EIF3I: variants seen among roughly 807,000 people sequenced by gnomAD.
EIF3I encodes the protein eukaryotic translation initiation factor 3 subunit I.
Under a neutral mutation model 43.3 loss-of-function variants are expected in EIF3I, and 20 were observed. The observed-to-expected ratio is 0.46, with a 90% CI of 0.32 to 0.67. EIF3I has a LOEUF of 0.67. EIF3I is among the 30% of genes least tolerant of loss of function. The pLI is 0.03. For missense variants in EIF3I, 279 were observed against 421.4 expected (o/e 0.66, Z 2.96); for synonymous variants, 167 against 151.7 (o/e 1.10, Z -0.74).
At chr1:32,224,457 C>T in exon 4 of EIF3I, 1 of 1,613,648 alleles carries the variant, frequency 6.2e-7, no homozygotes, top group Middle Eastern at 1.8e-4. Context: ...CAGCTGTCGT[C>T]TCTGGGACTG....
At chr1:32,224,533 T>G in intron 4 of EIF3I, 58 bp downstream of exon 4, 1 of 1,317,608 alleles carries the variant, frequency 7.6e-7, no homozygotes, top group Non-Finnish European at 1.1e-6. Context: ...TGTACCTGTT[T>G]GAGTAAACAG....
chr1:32,224,774 G>A (rs1040027029), intron 4 of EIF3I, among the ~76,000 whole-genome samples: 1 of 151,594 alleles, frequency 6.6e-6, no homozygotes, highest in Non-Finnish European at 1.5e-5. Flanking sequence ...GGGTTCAAGG[G>A]ATTCTCCTGT....
At chr1:32,222,627 C>T in exon 2 of EIF3I, 2 of 1,614,042 alleles carry the variant, frequency 1.2e-6, no homozygotes, top group South Asian at 2.2e-5. Context: ...TGGCCAAGGA[C>T]CCTGTGAGTG....
intron 4 of EIF3I, 142 bp downstream of exon 4, chr1:32,224,617 G>T (rs898328602): frequency 5.8e-6 from 3 of 519,396 alleles, no homozygotes; most frequent in Admixed American, 3.4e-5. Flanking sequence ...AGATAGATGA[G>T]AAAATACACG....
chr1:32,224,341 G>C, intron 3 of EIF3I, 69 bp from the exon 4 acceptor site: 1 of 1,364,798 alleles, frequency 7.3e-7, no homozygotes, highest in Non-Finnish European at 1.0e-6. Context: ...ACAGGGAGAT[G>C]ATTCACTTGG....
downstream of EIF3I, among the ~76,000 whole-genome samples, chr1:32,235,797 A>C (rs1333971141): frequency 6.6e-6 from 1 of 152,202 alleles, no homozygotes. Flanking sequence ...TGATGGGAGC[A>C]ACATAGCATT....
intron 2 of EIF3I, among the ~76,000 whole-genome samples, chr1:32,223,056 C>T (rs909281849): frequency 1.1e-4 from 16 of 152,178 alleles, no homozygotes; most frequent in African/African-American, 2.7e-4. Context: ...CCAAGAAAAG[C>T]AAGAGACCAC....
chr1:32,229,572 A>C (rs1438100001), intron 9 of EIF3I, among the ~76,000 whole-genome samples: 1 of 122,970 alleles, frequency 8.1e-6, no homozygotes, highest in Non-Finnish European at 1.7e-5. Flanking sequence ...TTTTTTTGAC[A>C]CGGAGTCTTG....
At chr1:32,226,379 C>A in intron 5 of EIF3I, 24 bp from the exon 6 acceptor site, 1 of 1,611,226 alleles carries the variant, frequency 6.2e-7, no homozygotes. Flanking sequence ...GAGCCCAGGG[C>A]CTAACATCTA....
exon 7 of EIF3I, chr1:32,228,555 G>A (rs1424615124): frequency 3.7e-6 from 6 of 1,614,094 alleles, no homozygotes; most frequent in Admixed American, 1.7e-5. Context: ...ACGACATCCA[G>A]TTATCCAGGG....
intron 10 of EIF3I, among the ~76,000 whole-genome samples, chr1:32,230,614 C>T (rs767836217): frequency 6.6e-5 from 10 of 151,836 alleles, no homozygotes; most frequent in Non-Finnish European, 1.5e-4. Context: ...CTAAGGAAGG[C>T]GGCTTGAGGC....
At chr1:32,222,665 G>C in intron 2 of EIF3I, 35 bp downstream of exon 2, 6 of 1,598,454 alleles carry the variant, frequency 3.8e-6, no homozygotes, top group Non-Finnish European at 5.1e-6. Context: ...GGGAGGGGCG[G>C]GATCCTTCTG....
At chr1:32,233,506 G>C (rs1006854104), downstream of EIF3I, among the ~76,000 whole-genome samples, 11 of 151,922 alleles carry the variant, frequency 7.2e-5, no homozygotes, top group East Asian at 2.1e-3. Flanking sequence ...GGCCAGGCTG[G>C]TCTCAAACTC....
At chr1:32,225,938 G>A (rs919731929) in intron 4 of EIF3I, among the ~76,000 whole-genome samples, 2 of 151,858 alleles carry the variant, frequency 1.3e-5, no homozygotes, top group Admixed American at 6.6e-5. Context: ...GGAGAATGGC[G>A]TGAACCCGGG....
intron 6 of EIF3I, among the ~76,000 whole-genome samples, chr1:32,227,244 T>A (rs1639161534): frequency 8.0e-6 from 1 of 124,274 alleles, no homozygotes; most frequent in Non-Finnish European, 1.6e-5. Context: ...ACCACTGCAC[T>A]CCAGCCTGGG....
At chr1:32,224,709 C>A (rs1191753454) in intron 4 of EIF3I, among the ~76,000 whole-genome samples, 1 of 146,114 alleles carries the variant, frequency 6.8e-6, no homozygotes, top group East Asian at 2.0e-4. Flanking sequence ...GTCTCACTGT[C>A]ACCCAGGCTG....
At chr1:32,230,543 A>T (rs1639219522) in intron 10 of EIF3I, among the ~76,000 whole-genome samples, 1 of 151,648 alleles carries the variant, frequency 6.6e-6, no homozygotes, top group Admixed American at 6.6e-5. Context: ...TTTTTGTGAT[A>T]CAATTTGCAT....
At chr1:32,233,810 G>C (rs751149485), downstream of EIF3I, among the ~76,000 whole-genome samples, 5 of 152,130 alleles carry the variant, frequency 3.3e-5, no homozygotes, top group Non-Finnish European at 7.3e-5. Context: ...TTTAATCCTT[G>C]TTTTCAAGGT....
downstream of EIF3I, chr1:32,231,462 T>A (rs1137921): frequency 3.3e-6 from 1 of 305,370 alleles, no homozygotes; most frequent in Non-Finnish European, 6.1e-6. Context: ...TTGCACTCCA[T>A]CCTGAGCCAC....
Sources: allele counts gnomAD v4.1 joint callset (sites outside exome capture counted in the v4.1 genomes callset), GRCh38; gene constraint gnomAD v4.1.1; transcripts MANE v1.5; gene names NCBI Gene and HGNC (gene_info 2026-07-23, HGNC 2026-07-21).